Variants in NMBR observed in about 807,000 individuals in gnomAD.
NMBR encodes neuromedin B receptor.
Under a neutral mutation model 20.5 loss-of-function variants are expected in NMBR, and 16 were observed. The observed-to-expected ratio is 0.78, with a 90% CI of 0.53 to 1.19. The LOEUF (loss-of-function observed/expected upper bound fraction) is 1.19. NMBR is among the 50% of genes most tolerant of loss of function. The probability of loss-of-function intolerance (pLI) is 0.00; values close to 1 mark genes in which losing one functional copy is unlikely to be tolerated. For synonymous variants in NMBR, 212 were observed against 196.6 expected (o/e 1.08, Z -0.65); for missense variants, 582 against 499.1 (o/e 1.17, Z -1.58).
At chr6:142,121,695 C>T (rs896777486) in intron 1 of NMBR, among the ~76,000 whole-genome samples, 3 of 151,730 alleles carry the variant, frequency 2.0e-5, no homozygotes, top group African/African-American at 7.3e-5. Context: ...TTATTCCCTC[C>T]TTAGCCTTAA....
Position 142,078,913 on chromosome 6 carries a change from T to A in NMBR, c.423-10A>T. ...AACGATGGCTCTGTACCTGGGAAAA[T>A]GATACATCTCAAGTTATTCCAGAAA... is the stretch of plus-strand genomic sequence containing the variant. On this transcript the variant is annotated splice_polypyrimidine_tract_variant and intron_variant, in intron 2 of 3. Coordinates refer to ENST00000258042, the MANE Select transcript of NMBR (RefSeq NM_002511.4). The A allele has an allele frequency of 2.7e-6, 4 of 1,474,306 alleles. No homozygotes were observed. The highest frequency in any genetic ancestry group is 3.6e-6 in the Non-Finnish European group (4 of 1,099,794). The allele number at this position is 1,474,306 out of a possible 1,614,324, so 91.3% of individuals were successfully genotyped here.
intron 1 of NMBR, among the ~76,000 whole-genome samples, chr6:142,109,145 C>T (rs1777714947): frequency 6.6e-6 from 1 of 152,154 alleles, no homozygotes; most frequent in Admixed American, 6.5e-5. Context: ...GCTTGCATTG[C>T]GAGTCTGAGG....
intron 1 of NMBR, among the ~76,000 whole-genome samples, chr6:142,109,744 A>G (rs1777726051): frequency 6.6e-6 from 1 of 152,062 alleles, no homozygotes. Flanking sequence ...ACTAATTCCT[A>G]GGGGTATTGT....
At position 142,088,556 on chromosome 6, in the gene NMBR, C is replaced by G. The variant is rs771538020; in HGVS notation, c.103G>C (p.Gly35Arg). ...CGGATCACCAACTCCGTGGTGGTCC[C>G]GTCCGAGGCCGGCAGGAAATCCCTT... Reference protein sequence around the residue: ...WERDFLPASDGTTTELVIRCV... With the variant: ...WERDFLPASDRTTTELVIRCV... Residue 35 changes from glycine (G) to arginine (R), a missense_variant, in exon 2 of 4, where the codon GGG becomes CGG. Physicochemically the swap from Gly to Arg is moderately radical, Grantham distance 125 (BLOSUM62 -2). Coordinates refer to ENST00000258042, the MANE Select transcript of NMBR (RefSeq NM_002511.4). 6.8e-6 allele frequency: 11 copies of G among 1,613,834 alleles called. No homozygotes were observed. Among genetic ancestry groups the G allele is most frequent in the Non-Finnish European group, 8.5e-6 (10 of 1,179,998 alleles).
intron 1 of NMBR, chr6:142,134,458 T>C (rs902246388): frequency 1.1e-4 from 50 of 458,828 alleles, no homozygotes; most frequent in Admixed American, 6.2e-4. Context: ...TGAGAGTTAG[T>C]GGGGTTTTTT....
At chr6:142,141,306 C>A in intron 1 of NMBR, among the ~76,000 whole-genome samples, 1 of 152,032 alleles carries the variant, frequency 6.6e-6, no homozygotes, top group Admixed American at 6.5e-5. Context: ...AACAACATAC[C>A]TTTATTAACC....
chr6:142,121,871 T>C (rs2114598570), intron 1 of NMBR, among the ~76,000 whole-genome samples: 1 of 152,054 alleles, frequency 6.6e-6, no homozygotes. Flanking sequence ...GAGCCCAAGC[T>C]GCAAAATTCT....
rs1778233301 is a variant in NMBR at position 142,135,350 on chromosome 6, T to A, written c.-664+11694A>T. On this transcript the variant is annotated intron_variant, in intron 1 of 3. Coordinates refer to ENST00000258042, the MANE Select transcript of NMBR (RefSeq NM_002511.4). ...TACAGTTTTAAATTTGAGGGTGTAA[T>A]TATTTTGCATTCATGTAAAATATAA... Among the ~76,000 whole-genome samples the A allele has an allele frequency of 2.0e-5, 3 of 152,144 alleles. No individual in the cohort carries two copies. In the South Asian group the frequency reaches 6.2e-4, roughly 31 times the overall value.
At chr6:142,134,548 C>T (rs994121219) in intron 1 of NMBR, 10 of 555,526 alleles carry the variant, frequency 1.8e-5, no homozygotes, top group Non-Finnish European at 2.8e-5. Flanking sequence ...GGCATTACAA[C>T]TAGTTATTGT....
intron 1 of NMBR, among the ~76,000 whole-genome samples, chr6:142,119,263 C>T (rs1322950872): frequency 6.6e-6 from 1 of 151,996 alleles, no homozygotes; most frequent in Non-Finnish European, 1.5e-5. Flanking sequence ...AGAAATGGCA[C>T]TTAGGTGAAG....
chr6:142,122,919 C>T (rs1311094081), intron 1 of NMBR, among the ~76,000 whole-genome samples: 1 of 151,904 alleles, frequency 6.6e-6, no homozygotes, highest in Non-Finnish European at 1.5e-5. Context: ...CAAAGAGATT[C>T]ATGTTGTTTC....
chr6:142,093,097 A>G (rs1332575994), intron 1 of NMBR, among the ~76,000 whole-genome samples: 1 of 152,088 alleles, frequency 6.6e-6, no homozygotes, highest in Non-Finnish European at 1.5e-5. Flanking sequence ...TTAAAATGGT[A>G]AAACTAGTTC....
chr6:142,104,532 A>G lies in NMBR; in HGVS notation c.-663-15211T>C, dbSNP rs371985488. Reference sequence around the variant, plus strand: ...TTTTGGAAAGCTTGTCAAATATTTCAAAGTATTAAAACACTTGACCAAAAT... The same window carrying G: ...TTTTGGAAAGCTTGTCAAATATTTCGAAGTATTAAAACACTTGACCAAAAT... On this transcript the variant is annotated intron_variant, in intron 1 of 3. Coordinates refer to ENST00000258042, the MANE Select transcript of NMBR (RefSeq NM_002511.4). Among the ~76,000 whole-genome samples the G allele has an allele frequency of 1.8e-4, 27 of 152,314 alleles. 1 individual carries two copies. In the East Asian group the frequency reaches 4.8e-3, roughly 27 times the overall value.
At chr6:142,100,464 G>T (rs1220293804) in intron 1 of NMBR, among the ~76,000 whole-genome samples, 1 of 152,326 alleles carries the variant, frequency 6.6e-6, no homozygotes, top group East Asian at 1.9e-4. Context: ...TGAAAAGGCT[G>T]TGTACTGTAT....
At chr6:142,083,633 G>A in intron 2 of NMBR, among the ~76,000 whole-genome samples, 1 of 152,068 alleles carries the variant, frequency 6.6e-6, no homozygotes, top group Non-Finnish European at 1.5e-5. Flanking sequence ...ATGGTAGTGA[G>A]TGAGTTCTCA....
At chr6:142,085,245 T>A (rs1047066902) in intron 2 of NMBR, among the ~76,000 whole-genome samples, 10 of 152,108 alleles carry the variant, frequency 6.6e-5, no homozygotes, top group African/African-American at 2.4e-4. Flanking sequence ...AGACACCAGC[T>A]AGGAGCAGTG....
At position 142,128,813 on chromosome 6, in the gene NMBR, C is replaced by T. The variant is rs372043689; in HGVS notation, c.-664+18231G>A. 1.1e-3 allele frequency among the ~76,000 whole-genome samples: 164 copies of T among 151,124 alleles called. 3 individuals carry two copies. In the South Asian group the frequency reaches 0.03, roughly 28 times the overall value. On this transcript the variant is annotated intron_variant, in intron 1 of 3. Coordinates refer to ENST00000258042, the MANE Select transcript of NMBR (RefSeq NM_002511.4). ...CATCTGTACTCTTCTGGGATGTTGCCCTGTAGTTTTCTTGTGGTGTTTTTG... is the reference window on the plus strand; with the variant it reads ...CATCTGTACTCTTCTGGGATGTTGCTCTGTAGTTTTCTTGTGGTGTTTTTG...
rs144127520 is a variant in NMBR at position 142,122,201 on chromosome 6, G to A, written c.-664+24843C>T. On this transcript the variant is annotated intron_variant, in intron 1 of 3. Transcript: ENST00000258042. The stretch of plus-strand genomic sequence containing the variant: ...GAAGTGAGCAGCTGAGTTTGTATTC[G>A]GTTACAAAACCAGCCACAACATTCC... 2.0e-5 allele frequency among the ~76,000 whole-genome samples: 3 copies of A among 151,920 alleles called. No individual in the cohort carries two copies. The East Asian group carries it at 5.8e-4, about 30-fold the overall frequency.
At chr6:142,085,887 TTTTA>T (rs1242306920) in intron 2 of NMBR, among the ~76,000 whole-genome samples, 32 of 152,176 alleles carry the variant, frequency 2.1e-4, no homozygotes, top group Non-Finnish European at 5.9e-5. Flanking sequence ...ATAACATAAT[TTTTA>T]TTTGTTTATT....
Sources: gnomAD v4.1 joint callset for allele counts (sites outside exome capture counted in the v4.1 genomes callset) on GRCh38, gnomAD v4.1.1 for gene constraint, MANE v1.5 for transcripts, NCBI Gene and HGNC (gene_info 2026-07-23, HGNC 2026-07-21) for gene names.